SLC39A11: variants seen among roughly 807,000 people sequenced by gnomAD.
The protein encoded by SLC39A11 is zinc transporter ZIP11.
Under a neutral mutation model 36.1 loss-of-function variants are expected in SLC39A11, and 33 were observed. That is an observed-to-expected ratio of 0.91 (90% CI 0.69 to 1.22). The LOEUF is 1.22. Among genes scored for constraint, SLC39A11 ranks in the 50% most tolerant of loss-of-function variants. SLC39A11 has a pLI of 0.00. For synonymous variants in SLC39A11, 166 were observed against 170.3 expected (o/e 0.97, Z 0.20); for missense variants, 432 against 430.3 (o/e 1.00, Z -0.03).
At chr17:73,057,569 T>TA (rs2059706991) in intron 3 of SLC39A11, among the ~76,000 whole-genome samples, 1 of 152,256 alleles carries the variant, frequency 6.6e-6, no homozygotes, top group Non-Finnish European at 1.5e-5. Flanking sequence ...TAGCCACTTT[T>TA]ATGGTTTGGT....
chr17:72,930,639 G>A (rs1598456754), intron 5 of SLC39A11, among the ~76,000 whole-genome samples: 1 of 152,186 alleles, frequency 6.6e-6, no homozygotes, highest in African/African-American at 2.4e-5. Context: ...CAGGCTGGAT[G>A]AGGGGCTGAA....
chr17:72,736,726 T>A lies in SLC39A11; in HGVS notation c.602-7A>T. On this transcript the variant is annotated splice_polypyrimidine_tract_variant and splice_region_variant and intron_variant, in intron 6 of 9. Coordinates refer to ENST00000255559, the MANE Select transcript of SLC39A11 (RefSeq NM_139177.4). ...ACTCCAACAGCGAGACCCTCTGAAATAGATGTAAGAAAAGCAAGAGGGGTT... is the reference window on the plus strand; with the variant it reads ...ACTCCAACAGCGAGACCCTCTGAAAAAGATGTAAGAAAAGCAAGAGGGGTT... 4 of 1,612,678 alleles carry A rather than the reference T, an allele frequency of 2.5e-6. No homozygotes were observed. Among genetic ancestry groups the A allele is most frequent in the Non-Finnish European group, 3.4e-6 (4 of 1,178,850 alleles).
chr17:72,938,220 G>A (rs187644660), intron 5 of SLC39A11, among the ~76,000 whole-genome samples: 4 of 152,276 alleles, frequency 2.6e-5, no homozygotes, highest in Admixed American at 6.5e-5. Flanking sequence ...GAAAGGAGAC[G>A]GAGGGTTGAA....
At chr17:72,863,392 G>A (rs1168565375) in intron 5 of SLC39A11, among the ~76,000 whole-genome samples, 4 of 152,024 alleles carry the variant, frequency 2.6e-5, no homozygotes, top group African/African-American at 7.3e-5. Context: ...CTCTGTTCTC[G>A]GAGGACCCAA....
At chr17:72,959,366 T>TAC (rs2086468543) in intron 4 of SLC39A11, among the ~76,000 whole-genome samples, 1 of 136,238 alleles carries the variant, frequency 7.3e-6, no homozygotes, top group Non-Finnish European at 1.6e-5. Context: ...TATATATATA[T>TAC]GATCGAATAC....
intron 5 of SLC39A11, among the ~76,000 whole-genome samples, chr17:72,917,556 A>G (rs1332503167): frequency 6.6e-6 from 1 of 152,196 alleles, no homozygotes; most frequent in African/African-American, 2.4e-5. Flanking sequence ...CATGCAAGAC[A>G]CTGAAATGTC....
intron 4 of SLC39A11, among the ~76,000 whole-genome samples, chr17:72,978,238 T>A (rs1217081123): frequency 6.6e-6 from 1 of 152,130 alleles, no homozygotes; most frequent in Non-Finnish European, 1.5e-5. Flanking sequence ...CTTTCCCTTC[T>A]TTCCTCCCTT....
intron 6 of SLC39A11, among the ~76,000 whole-genome samples, chr17:72,820,718 T>A (rs2077743443): frequency 1.3e-5 from 2 of 150,978 alleles, no homozygotes; most frequent in Non-Finnish European, 3.0e-5. Context: ...AGATGAGAGA[T>A]GTTTCCCGTA....
At chr17:72,868,648 A>C (rs918198832) in intron 5 of SLC39A11, among the ~76,000 whole-genome samples, 1 of 141,840 alleles carries the variant, frequency 7.1e-6, no homozygotes. Context: ...AAAAAAAAAA[A>C]AGAAAGAAAA....
intron 7 of SLC39A11, among the ~76,000 whole-genome samples, chr17:72,693,965 A>G (rs1005658552): frequency 2.0e-5 from 3 of 151,426 alleles, no homozygotes; most frequent in African/African-American, 7.3e-5. Context: ...CCCAGCCCCC[A>G]GCTCTTTATA....
chr17:72,735,457 T>C (rs1478780155), intron 7 of SLC39A11, among the ~76,000 whole-genome samples: 1 of 152,144 alleles, frequency 6.6e-6, no homozygotes, highest in African/African-American at 2.4e-5. Context: ...GGAGTGCTAT[T>C]TCCTTGGGGG....
intron 4 of SLC39A11, among the ~76,000 whole-genome samples, chr17:72,988,803 G>A (rs2088954258): frequency 1.3e-5 from 2 of 152,114 alleles, no homozygotes; most frequent in Admixed American, 1.3e-4. Flanking sequence ...CCGCCTCCCA[G>A]GTTCAAGTGA....
At chr17:73,008,896 A>AT (rs1568115629) in intron 4 of SLC39A11, among the ~76,000 whole-genome samples, 1 of 152,036 alleles carries the variant, frequency 6.6e-6, no homozygotes, top group Admixed American at 6.6e-5. Flanking sequence ...ACTACAAAAA[A>AT]AAATAAATAA....
chr17:72,666,550 C>A (rs1228480717), intron 7 of SLC39A11, among the ~76,000 whole-genome samples: 1 of 152,186 alleles, frequency 6.6e-6, no homozygotes, highest in Non-Finnish European at 1.5e-5. Flanking sequence ...CTGGCCAATG[C>A]AAAACATACA....
intron 5 of SLC39A11, among the ~76,000 whole-genome samples, chr17:72,897,486 G>C (rs559039577): frequency 2.6e-5 from 4 of 152,330 alleles, no homozygotes; most frequent in Admixed American, 6.5e-5. Context: ...AGAGCCAAGT[G>C]TTTGGGGCTT....
chr17:72,777,748 G>A (rs2076181213), intron 6 of SLC39A11, among the ~76,000 whole-genome samples: 1 of 152,126 alleles, frequency 6.6e-6, no homozygotes, highest in South Asian at 2.1e-4. Context: ...TTGTGTTTAA[G>A]TCACTGAGTT....
intron 5 of SLC39A11, among the ~76,000 whole-genome samples, chr17:72,903,392 G>GTC (rs1445561013): frequency 6.6e-6 from 1 of 152,156 alleles, no homozygotes; most frequent in Non-Finnish European, 1.5e-5. Flanking sequence ...CTGATGCTGG[G>GTC]TCTCTCTGAG....
intron 4 of SLC39A11, among the ~76,000 whole-genome samples, chr17:72,967,825 A>G (rs960290328): frequency 3.3e-5 from 5 of 152,178 alleles, no homozygotes; most frequent in Non-Finnish European, 7.3e-5. Flanking sequence ...CTGCCAGGAC[A>G]TGAGGGATCA....
At position 72,952,185 on chromosome 17, in the gene SLC39A11, C is replaced by A. The variant is rs189120780; in HGVS notation, c.307-4310G>T. 8.5e-5 allele frequency among the ~76,000 whole-genome samples: 13 copies of A among 152,350 alleles called. No individual in the cohort carries two copies. In the East Asian group the frequency reaches 2.3e-3, roughly 27 times the overall value. Reference sequence around the variant, plus strand: ...GGAGTAATGCCAAGGACAGCTCCTTCGCTATCTCCATACCTGGCAAAACCT... The same window carrying A: ...GGAGTAATGCCAAGGACAGCTCCTTAGCTATCTCCATACCTGGCAAAACCT... On this transcript the variant is annotated intron_variant, in intron 4 of 9. Transcript: ENST00000255559.
Sources: gnomAD v4.1 joint callset for allele counts (sites outside exome capture counted in the v4.1 genomes callset) on GRCh38, gnomAD v4.1.1 for gene constraint, MANE v1.5 for transcripts, NCBI Gene and HGNC (gene_info 2026-07-23, HGNC 2026-07-21) for gene names.